CNBD1: variants seen among roughly 807,000 people sequenced by gnomAD.
CNBD1 encodes the protein cyclic nucleotide binding domain containing 1.
Under a neutral mutation model 54.4 loss-of-function variants are expected in CNBD1, and 71 were observed. That is an observed-to-expected ratio of 1.30 (90% CI 1.08 to 1.59). The LOEUF (loss-of-function observed/expected upper bound fraction) is 1.59. Ranked by LOEUF, CNBD1 falls within the 40% of genes most tolerant of loss-of-function variation. The probability of loss-of-function intolerance (pLI) is 0.00; values close to 1 mark genes in which losing one functional copy is unlikely to be tolerated. For synonymous variants in CNBD1, 182 were observed against 170.7 expected, an observed-to-expected ratio of 1.07 and a Z score of -0.51; for missense variants, 659 against 518.0, an observed-to-expected ratio of 1.27 and a Z score of -2.64.
At chr8:87,423,671 G>A (rs1179353899) in intron 2 of CNBD1, among the ~76,000 whole-genome samples, 58 of 149,016 alleles carry the variant, frequency 3.9e-4, no homozygotes, top group East Asian at 1.4e-3. Flanking sequence ...TGCTGGATTC[G>A]GTTTGCCAGT....
chr8:87,135,754 A>C (rs1471998306), intron 4 of CNBD1, among the ~76,000 whole-genome samples: 2 of 150,856 alleles, frequency 1.3e-5, no homozygotes, highest in Non-Finnish European at 3.0e-5. Flanking sequence ...AATATAGTGG[A>C]TATAATATAT....
At chr8:87,426,841 G>T (rs1308414193) in intron 2 of CNBD1, among the ~76,000 whole-genome samples, 7 of 152,110 alleles carry the variant, frequency 4.6e-5, no homozygotes, top group Admixed American at 2.0e-4. Flanking sequence ...AAAAGGTACA[G>T]TTCCTTAATT....
chr8:87,353,675 G>A lies in CNBD1; in HGVS notation c.1192G>A (p.Glu398Lys). The stretch of plus-strand genomic sequence containing the variant: ...ACTTGTTTATATGGGGAAACTTAAG[G>A]AGAAGGAGTCCTTTGGTGAGATTAG... ...QKLVYMGKLK[E>K]KESFGEISVL... Residue 398 changes from glutamate (E) to lysine (K), a missense_variant, in exon 10 of 11, where the codon GAG becomes AAG. By Grantham distance (56) the Glu-to-Lys change is moderately conservative. Coordinates refer to ENST00000518476, the MANE Select transcript of CNBD1 (RefSeq NM_173538.3). 6.2e-7 allele frequency: 1 copy of A among 1,602,632 alleles called. No homozygotes were observed. Among genetic ancestry groups the A allele is most frequent in the Non-Finnish European group, 8.5e-7 (1 of 1,174,866 alleles).
At chr8:86,929,958 T>C (rs979888625) in intron 3 of CNBD1, among the ~76,000 whole-genome samples, 1 of 152,188 alleles carries the variant, frequency 6.6e-6, no homozygotes, top group African/African-American at 2.4e-5. Context: ...CTCTGTGACA[T>C]ATAAAGAGAA....
intron 1 of CNBD1, among the ~76,000 whole-genome samples, chr8:86,877,945 C>T (rs1808548589): frequency 6.6e-6 from 1 of 151,966 alleles, no homozygotes; most frequent in Non-Finnish European, 1.5e-5. Context: ...GTCATTTTTG[C>T]AGTTTCCCAT....
At chr8:87,053,210 A>G (rs1810347243) in intron 4 of CNBD1, among the ~76,000 whole-genome samples, 1 of 152,214 alleles carries the variant, frequency 6.6e-6, no homozygotes, top group Non-Finnish European at 1.5e-5. Context: ...GAAAGCCAGT[A>G]CATAGGGAAC....
intron 1 of CNBD1, among the ~76,000 whole-genome samples, chr8:86,887,082 A>G (rs1323388057): frequency 6.6e-6 from 1 of 152,198 alleles, no homozygotes; most frequent in East Asian, 1.9e-4. Context: ...AGGGGGAACA[A>G]AAGATGGGGA....
intron 4 of CNBD1, among the ~76,000 whole-genome samples, chr8:87,116,889 G>A (rs1028056622): frequency 1.3e-5 from 2 of 151,786 alleles, no homozygotes; most frequent in African/African-American, 4.8e-5. Flanking sequence ...CCTCTTCAGG[G>A]CCCCTATTTT....
At chr8:86,979,880 T>A (rs1808435360) in intron 4 of CNBD1, among the ~76,000 whole-genome samples, 1 of 152,176 alleles carries the variant, frequency 6.6e-6, no homozygotes, top group African/African-American at 2.4e-5. Flanking sequence ...TATGATAACA[T>A]CGTAGATCCT....
chr8:87,389,406 C>A (rs1379039146), intron 2 of CNBD1, among the ~76,000 whole-genome samples: 5 of 152,188 alleles, frequency 3.3e-5, no homozygotes, highest in Non-Finnish European at 4.4e-5. Flanking sequence ...AGGAAAGTCT[C>A]AGGATATAAA....
intron 4 of CNBD1, among the ~76,000 whole-genome samples, chr8:87,191,928 A>G (rs1272932236): frequency 6.6e-6 from 1 of 152,218 alleles, no homozygotes; most frequent in East Asian, 1.9e-4. Flanking sequence ...AGAAATTCAG[A>G]TAGAGATTTT....
At position 86,975,568 on chromosome 8, in the gene CNBD1, T is replaced by C. The variant is rs539091569; in HGVS notation, c.431+35814T>C. Reference sequence around the variant, plus strand: ...TTATAAATGACAGAATTTTCTTCTTTTTTTAAGGCATAATAGTGTTCCATT... The same window carrying C: ...TTATAAATGACAGAATTTTCTTCTTCTTTTAAGGCATAATAGTGTTCCATT... On this transcript the variant is annotated intron_variant, in intron 4 of 10. Transcript: ENST00000518476. Among the ~76,000 whole-genome samples the C allele has an allele frequency of 8.1e-4, 123 of 152,230 alleles. 3 individuals carry two copies. The South Asian group carries it at 0.023, about 28-fold the overall frequency.
At chr8:87,257,065 A>G (rs1808038428) in intron 6 of CNBD1, among the ~76,000 whole-genome samples, 1 of 152,022 alleles carries the variant, frequency 6.6e-6, no homozygotes, top group African/African-American at 2.4e-5. Context: ...CAATCAGAAA[A>G]CATTCATTGA....
At chr8:87,327,928 G>A (rs890518891) in intron 8 of CNBD1, among the ~76,000 whole-genome samples, 5 of 152,054 alleles carry the variant, frequency 3.3e-5, no homozygotes, top group African/African-American at 1.2e-4. Context: ...TGTAAGGTAA[G>A]AGTCTGTGTG....
chr8:86,892,041 T>A (rs112825502), intron 2 of CNBD1, among the ~76,000 whole-genome samples: 26 of 152,136 alleles, frequency 1.7e-4, no homozygotes, highest in African/African-American at 5.1e-4. Flanking sequence ...TATTGGGCTG[T>A]ATTTTTTTTC....
intron 8 of CNBD1, among the ~76,000 whole-genome samples, chr8:87,296,112 A>G (rs1238556534): frequency 6.6e-6 from 1 of 152,178 alleles, no homozygotes; most frequent in African/African-American, 2.4e-5. Context: ...CAAAATAAAT[A>G]GGTACAATTA....
chr8:87,054,727 C>A (rs1025125449), intron 4 of CNBD1, among the ~76,000 whole-genome samples: 1 of 152,314 alleles, frequency 6.6e-6, no homozygotes, highest in South Asian at 2.1e-4. Context: ...CAGGTTACAC[C>A]GAAGTGTAGC....
At chr8:86,888,412 C>T (rs985495225) in intron 2 of CNBD1, among the ~76,000 whole-genome samples, 3 of 152,046 alleles carry the variant, frequency 2.0e-5, no homozygotes, top group Admixed American at 6.6e-5. Context: ...CAGTGCCTTT[C>T]GACATGGAGT....
chr8:87,209,092 C>T (rs1814037517), intron 5 of CNBD1, among the ~76,000 whole-genome samples: 3 of 151,900 alleles, frequency 2.0e-5, no homozygotes, highest in Admixed American at 2.0e-4. Context: ...AAATCTTTAG[C>T]TGAGATTTAG....
Sources: gnomAD v4.1 joint callset for allele counts (sites outside exome capture counted in the v4.1 genomes callset) on GRCh38, gnomAD v4.1.1 for gene constraint, MANE v1.5 for transcripts, NCBI Gene and HGNC (gene_info 2026-07-23, HGNC 2026-07-21) for gene names.